PSMB5: variants seen among roughly 807,000 people sequenced by gnomAD.
The protein encoded by PSMB5 is proteasome subunit beta type-5.
In PSMB5, 2 loss-of-function variants were observed where a neutral mutation model predicts 22.8. The observed-to-expected ratio is 0.09, with a 90% CI of 0.04 to 0.28. The LOEUF (loss-of-function observed/expected upper bound fraction) is 0.28, where lower values mean the gene tolerates loss of function less well. PSMB5 is among the 10% of genes least tolerant of loss of function. The pLI, the probability that PSMB5 is intolerant of heterozygous loss-of-function variation, is 1.00. For synonymous variants in PSMB5, 133 were observed against 135.3 expected, an observed-to-expected ratio of 0.98 and a Z score of 0.12; for missense variants, 269 against 343.8, an observed-to-expected ratio of 0.78 and a Z score of 1.72.
chr14:23,027,785 A>G, intron 2 of PSMB5: 1 of 1,548,940 alleles, frequency 6.5e-7, no homozygotes, highest in Non-Finnish European at 8.7e-7. Flanking sequence ...CCACAAAACA[A>G]GTACATTCCA....
At chr14:23,031,622 G>A (rs981201978) in intron 2 of PSMB5, among the ~76,000 whole-genome samples, 2 of 152,288 alleles carry the variant, frequency 1.3e-5, no homozygotes, top group East Asian at 1.9e-4. Flanking sequence ...TTTACTAAAC[G>A]GGCAATTCAA....
chr14:23,034,891 G>A lies in PSMB5; in HGVS notation c.-10C>T, dbSNP rs552726385. 5 of 1,612,304 alleles carry A rather than the reference G, an allele frequency of 3.1e-6. No homozygotes were observed. The South Asian group carries it at 3.3e-5, about 11-fold the overall frequency. ...CGCTGGCAAGCGCCATGTCTAGTGT[G>A]GGCAGAAAGAACTAATTCTGAGAAC... On this transcript the variant is annotated 5_prime_UTR_variant, in exon 1 of 3. Coordinates refer to ENST00000361611, the MANE Select transcript of PSMB5 (RefSeq NM_002797.5).
In PSMB5 at chr14:23,033,579, T is replaced by C; in HGVS notation, c.294A>G (p.Pro98=). 3 of 1,614,168 alleles carry C rather than the reference T, an allele frequency of 1.9e-6. No individual in the cohort carries two copies. The highest frequency in any genetic ancestry group is 2.5e-6 in the Non-Finnish European group (3 of 1,180,040). The part of the protein sequence containing the change: ...QTVKKVIEIN[P]YLLGTMAGGA... Reference sequence around the variant, plus strand: ...CCCCAGCCATGGTGCCTAGCAGGTATGGGTTGATCTCTATCACCTTCTTCA... The same window carrying C: ...CCCCAGCCATGGTGCCTAGCAGGTACGGGTTGATCTCTATCACCTTCTTCA... The change falls in exon 2 of 3, where the codon CCA becomes CCG. Residue 98 remains proline (P), a synonymous_variant. Coordinates refer to ENST00000361611, the MANE Select transcript of PSMB5 (RefSeq NM_002797.5).
At chr14:23,032,378 A>G (rs957521742) in intron 2 of PSMB5, among the ~76,000 whole-genome samples, 1 of 152,198 alleles carries the variant, frequency 6.6e-6, no homozygotes, top group African/African-American at 2.4e-5. Context: ...CAGGAGGCAG[A>G]GGTTGTAGTG....
chr14:23,033,987 A>G (rs2046972477), intron 1 of PSMB5, among the ~76,000 whole-genome samples: 1 of 152,158 alleles, frequency 6.6e-6, no homozygotes, highest in Non-Finnish European at 1.5e-5. Context: ...CCTGGGCAAC[A>G]CAGGGAGATC....
chr14:23,034,200 G>A (rs1000241514), intron 1 of PSMB5, among the ~76,000 whole-genome samples: 9 of 151,564 alleles, frequency 5.9e-5, no homozygotes, highest in Non-Finnish European at 1.2e-4. Flanking sequence ...TCTCAATCTA[G>A]AGCTAGTTAT....
chr14:23,030,158 A>G (rs972675929), intron 2 of PSMB5, among the ~76,000 whole-genome samples: 6 of 150,790 alleles, frequency 4.0e-5, no homozygotes, highest in African/African-American at 7.3e-5. Context: ...GATTACAGGC[A>G]TGAGCCACCA....
At chr14:23,034,507 A>G in intron 1 of PSMB5, 177 bp downstream of exon 1, 1 of 721,148 alleles carries the variant, frequency 1.4e-6, no homozygotes, top group Non-Finnish European at 2.2e-6. Flanking sequence ...TTCCAACCAG[A>G]GCAAAGACAG....
chr14:23,026,383 G>A lies in PSMB5; in HGVS notation c.506-8C>T, dbSNP rs760931315. 6.2e-7 allele frequency: 1 copy of A among 1,609,200 alleles called. No homozygotes were observed. The highest frequency in any genetic ancestry group is 2.2e-5 in the East Asian group (1 of 44,804). On this transcript the variant is annotated splice_region_variant and splice_polypyrimidine_tract_variant and intron_variant, in intron 2 of 2. Coordinates refer to ENST00000361611, the MANE Select transcript of PSMB5 (RefSeq NM_002797.5). ...TGTCCACGTAGTAGAGGCCTGGAAA[G>A]GGAGATGAGGTTAGCAGGAAAAAAA... is the stretch of plus-strand genomic sequence containing the variant.
chr14:23,034,447 A>C, intron 1 of PSMB5: 1 of 535,756 alleles, frequency 1.9e-6, no homozygotes, highest in South Asian at 2.3e-5. Context: ...AATCAACCCA[A>C]GAGGCCTCAC....
Position 23,026,332 on chromosome 14 carries a change from G to A in PSMB5, c.549C>T (p.Ala183=), listed in dbSNP as rs768368849. Residue 183 remains alanine, a synonymous_variant, in exon 3 of 3, where the codon GCC becomes GCT. Coordinates refer to ENST00000361611, the MANE Select transcript of PSMB5 (RefSeq NM_002797.5). ...CAGAGCCAGAACCTACAGAGAAGGT[G>A]GCCCCTGAAATCCGGTTCCCTTCAC... ...VDSEGNRISG[A]TFSVGSGSVY... The A allele has an allele frequency of 3.1e-6, 5 of 1,613,940 alleles. No homozygotes were observed. Among genetic ancestry groups the A allele is most frequent in the African/African-American group, 1.3e-5 (1 of 74,872 alleles).
chr14:23,030,891 C>T (rs1386416880), intron 2 of PSMB5, among the ~76,000 whole-genome samples: 3 of 152,082 alleles, frequency 2.0e-5, no homozygotes, highest in Non-Finnish European at 2.9e-5. Flanking sequence ...CGCCATTGCA[C>T]TCCAGCATGG....
At position 23,026,106 on chromosome 14, in the gene PSMB5, T is replaced by C. The variant is rs1330441502; in HGVS notation, c.775A>G (p.Ser259Gly). The C allele has an allele frequency of 6.2e-7, 1 of 1,614,176 alleles. No homozygotes were observed. Among genetic ancestry groups the C allele is most frequent in the East Asian group, 2.2e-5 (1 of 44,884 alleles). ...DNVADLHEKY[S>G]GSTP ...ACCCTCTTTCAGGGGGTAGAGCCACTATACTTCTCATGTAGATCAGCCACA... is the reference window on the plus strand; with the variant it reads ...ACCCTCTTTCAGGGGGTAGAGCCACCATACTTCTCATGTAGATCAGCCACA... Residue 259 changes from serine to glycine, a missense_variant, in exon 3 of 3, where the codon AGT becomes GGT. Ser to Gly is a moderately conservative substitution (Grantham distance 56, BLOSUM62 0). Coordinates refer to ENST00000361611, the MANE Select transcript of PSMB5 (RefSeq NM_002797.5).
rs1484780881 is a variant in PSMB5, at chr14:23,033,350, G to C, written c.505+18C>G. On this transcript the variant is annotated intron_variant, in intron 2 of 2. Transcript: ENST00000361611. ...TGTAGTGTCAGCCCAAGGATCATGTGGTTGCAGCTTAACTCACCAGGGCCT... is the reference window on the plus strand; with the variant it reads ...TGTAGTGTCAGCCCAAGGATCATGTCGTTGCAGCTTAACTCACCAGGGCCT... The C allele has an allele frequency of 6.3e-7, 1 of 1,599,102 alleles. No individual in the cohort carries two copies. Among genetic ancestry groups the C allele is most frequent in the Non-Finnish European group, 8.6e-7 (1 of 1,169,090 alleles).
chr14:23,034,434 A>G, intron 1 of PSMB5: 1 of 471,666 alleles, frequency 2.1e-6, no homozygotes. Flanking sequence ...GGGGTCGCCT[A>G]GGAATCAACC....
rs747091744 is a variant in PSMB5 at position 23,033,564 on chromosome 14, G to C, written c.309C>G (p.Thr103=). ...VIEINPYLLG[T]MAGGAADCSF... is the part of the protein sequence containing the mutation. ...TGCAATCCGCTGCGCCCCCAGCCAT[G>C]GTGCCTAGCAGGTATGGGTTGATCT... Residue 103 remains threonine (T), a synonymous_variant, in exon 2 of 3, where the codon ACC becomes ACG. Coordinates refer to ENST00000361611, the MANE Select transcript of PSMB5 (RefSeq NM_002797.5). The C allele has an allele frequency of 3.8e-5, 61 of 1,614,048 alleles. No individual in the cohort carries two copies. The highest frequency in any genetic ancestry group is 5.2e-5 in the Non-Finnish European group (61 of 1,180,036).
At chr14:23,033,330 T>A (rs766993165) in intron 2 of PSMB5, 38 bp downstream of exon 2, 5 of 1,585,250 alleles carry the variant, frequency 3.2e-6, no homozygotes. Flanking sequence ...CTCACTGTAG[T>A]GTCAGCCCAA....
Position 23,033,459 on chromosome 14 carries a change from G to C in PSMB5, c.414C>G (p.Ala138=). The part of the protein sequence containing the change: ...RNKERISVAA[A]SKLLANMVYQ... ...ACACCATGTTGGCAAGCAGTTTGGA[G>C]GCAGCTGCTACAGAGATGCGTTCCT... Residue 138 remains alanine (A), a synonymous_variant, in exon 2 of 3, where the codon GCC becomes GCG. Transcript: ENST00000361611. The C allele has an allele frequency of 1.2e-6, 2 of 1,614,116 alleles. No homozygotes were observed. The highest frequency in any genetic ancestry group is 1.7e-6 in the Non-Finnish European group (2 of 1,180,026).
chr14:23,035,092 T>G (rs1372709217), upstream of PSMB5: 2 of 953,778 alleles, frequency 2.1e-6, no homozygotes, highest in Non-Finnish European at 3.0e-6. Flanking sequence ...TCACTAACCT[T>G]AAATTCTAAA....
Sources: allele counts gnomAD v4.1 joint callset (sites outside exome capture counted in the v4.1 genomes callset), GRCh38; gene constraint gnomAD v4.1.1; transcripts MANE v1.5; gene names NCBI Gene and HGNC (gene_info 2026-07-23, HGNC 2026-07-21).